PDE4D: variants seen among roughly 807,000 people sequenced by gnomAD.
PDE4D encodes the protein 3',5'-cyclic-AMP phosphodiesterase 4D.
A neutral mutation model predicts 87.4 loss-of-function variants in PDE4D; 24 were observed. The ratio of observed to expected loss-of-function variants is 0.27; its 90% CI spans 0.20 to 0.39. The LOEUF is 0.39. Ranked by LOEUF, PDE4D falls within the 10% of genes least tolerant of loss-of-function variation. The pLI, the probability that PDE4D is intolerant of heterozygous loss-of-function variation, is 1.00. For missense variants in PDE4D, 714 were observed against 1,041.0 expected, an observed-to-expected ratio of 0.69 and a Z score of 4.32; for synonymous variants, 384 against 383.2, an observed-to-expected ratio of 1.00 and a Z score of -0.02.
chr5:59,761,141 T>C (rs991837525), intron 1 of PDE4D, among the ~76,000 whole-genome samples: 2 of 152,210 alleles, frequency 1.3e-5, no homozygotes, highest in Admixed American at 1.3e-4. Flanking sequence ...GGTTAAGTAT[T>C]TGTATATCTA....
At chr5:60,023,441 A>G (rs1766288529) in intron 2 of PDE4D, among the ~76,000 whole-genome samples, 1 of 152,012 alleles carries the variant, frequency 6.6e-6, no homozygotes, top group South Asian at 2.1e-4. Context: ...TCCCCCCACC[A>G]ATAATTTCCT....
chr5:59,039,578 C>G, intron 5 of PDE4D: 1 of 923,332 alleles, frequency 1.1e-6, no homozygotes, highest in South Asian at 5.0e-5. Flanking sequence ...CCGCAGCTTT[C>G]CGGGAACACT....
chr5:59,438,112 G>T (rs1424207487), intron 1 of PDE4D, among the ~76,000 whole-genome samples: 5 of 152,082 alleles, frequency 3.3e-5, no homozygotes, highest in Non-Finnish European at 7.4e-5. Context: ...CACAACACAT[G>T]GGGATTGTTG....
intron 1 of PDE4D, among the ~76,000 whole-genome samples, chr5:59,495,787 T>A (rs1807076804): frequency 6.6e-6 from 1 of 152,096 alleles, no homozygotes. Context: ...AGTGGCTCGC[T>A]TCTTCAGTGC....
intron 1 of PDE4D, among the ~76,000 whole-genome samples, chr5:60,301,787 C>T (rs1046962911): frequency 6.6e-6 from 1 of 151,748 alleles, no homozygotes; most frequent in Non-Finnish European, 1.5e-5. Context: ...TGTGCCTATT[C>T]AGTATGATAT....
At chr5:60,326,507 C>T (rs1198926073) in intron 1 of PDE4D, among the ~76,000 whole-genome samples, 2 of 152,080 alleles carry the variant, frequency 1.3e-5, no homozygotes, top group African/African-American at 4.8e-5. Flanking sequence ...AATTCAGAAA[C>T]TTTCACTCTT....
rs373283517 is a variant in PDE4D, at chr5:59,167,185, C to T, written c.808+13410G>A. On this transcript the variant is annotated intron_variant, in intron 5 of 14. Coordinates refer to ENST00000340635, the MANE Select transcript of PDE4D (RefSeq NM_001104631.2). ...TCGGCGTGACTTTTCTAAGGTCACA[C>T]GTAAAGTGGGTGAGCAGGACAGCCA... Among the ~76,000 whole-genome samples, 5 of 152,104 alleles carry T rather than the reference C, an allele frequency of 3.3e-5. No individual in the cohort carries two copies. The East Asian group carries it at 5.8e-4, about 18-fold the overall frequency.
At chr5:60,106,117 CACGTGCAGAG>C (rs988431199) in intron 2 of PDE4D, among the ~76,000 whole-genome samples, 28 of 152,068 alleles carry the variant, frequency 1.8e-4, no homozygotes, top group Admixed American at 3.3e-4. Flanking sequence ...AAACCCATCT[CACGTGCAGAG>C]ACACACATAG....
chr5:59,496,137 C>T (rs1434216703), intron 1 of PDE4D, among the ~76,000 whole-genome samples: 1 of 152,128 alleles, frequency 6.6e-6, no homozygotes, highest in Non-Finnish European at 1.5e-5. Context: ...CCCTGGAGTC[C>T]AGCCGCTCAG....
intron 1 of PDE4D, among the ~76,000 whole-genome samples, chr5:59,887,207 A>T (rs1437639948): frequency 6.6e-6 from 1 of 152,212 alleles, no homozygotes; most frequent in African/African-American, 2.4e-5. Flanking sequence ...CATTTAGATG[A>T]CAAAGCAAAT....
Position 59,476,184 on chromosome 5 carries a change from C to T in PDE4D, c.456-260216G>A, listed in dbSNP as rs183537317. 4.1e-3 allele frequency among the ~76,000 whole-genome samples: 621 copies of T among 152,018 alleles called. 1 individual carries two copies. Among genetic ancestry groups the T allele is most frequent in the Non-Finnish European group, 7.2e-3 (490 of 67,932 alleles). On this transcript the variant is annotated intron_variant, in intron 1 of 14. Transcript: ENST00000340635. ...TACAGTGAAATTGCTTATGGAAAAG[C>T]AGCACTCTCACCAAGAACACAAAAT...
At position 59,292,797 on chromosome 5, in the gene PDE4D, T is replaced by C. The variant is rs1227397760; in HGVS notation, c.456-76829A>G. ...TGAGACGCTCATAGGCTGTAGCCCC[T>C]GAGGAATGTAGTGCCTGGTATGGAC... On this transcript the variant is annotated intron_variant, in intron 1 of 14. Transcript: ENST00000340635. Among the ~76,000 whole-genome samples, 4 of 152,104 alleles carry C rather than the reference T, an allele frequency of 2.6e-5. No homozygotes were observed. In the East Asian group the frequency reaches 7.7e-4, roughly 29 times the overall value.
At chr5:59,403,798 T>C (rs915244575) in intron 1 of PDE4D, among the ~76,000 whole-genome samples, 1 of 152,178 alleles carries the variant, frequency 6.6e-6, no homozygotes, top group Admixed American at 6.5e-5. Context: ...ATTTCCTTTC[T>C]TTTGGGTGTA....
chr5:59,379,674 T>C (rs1785394746), intron 1 of PDE4D, among the ~76,000 whole-genome samples: 2 of 152,118 alleles, frequency 1.3e-5, no homozygotes, highest in Admixed American at 6.6e-5. Flanking sequence ...ATTTAAACAT[T>C]AGTTCATGTG....
At chr5:59,065,288 G>A (rs536069956) in intron 5 of PDE4D, among the ~76,000 whole-genome samples, 1 of 152,088 alleles carries the variant, frequency 6.6e-6, no homozygotes, top group African/African-American at 2.4e-5. Flanking sequence ...TAGTCAAACT[G>A]ATGGAAGCAG....
chr5:59,896,509 A>G (rs532337296), upstream of PDE4D, among the ~76,000 whole-genome samples: 5 of 152,286 alleles, frequency 3.3e-5, no homozygotes, highest in South Asian at 1.0e-3. Context: ...ACTTTTACCA[A>G]ATTTGTGAGA....
chr5:60,441,985 G>A (rs1745260899), intron 1 of PDE4D, among the ~76,000 whole-genome samples: 1 of 152,142 alleles, frequency 6.6e-6, no homozygotes, highest in Non-Finnish European at 1.5e-5. Context: ...CTTTTACACT[G>A]TTGGTGGGAG....
At chr5:60,438,102 C>T (rs1403899272) in intron 1 of PDE4D, among the ~76,000 whole-genome samples, 1 of 152,092 alleles carries the variant, frequency 6.6e-6, no homozygotes, top group Admixed American at 6.6e-5. Flanking sequence ...CTTTAGATAG[C>T]ATTCGTCTGT....
intron 11 of PDE4D, among the ~76,000 whole-genome samples, chr5:58,980,685 T>G (rs1422657430): frequency 8.7e-5 from 13 of 148,988 alleles, no homozygotes; most frequent in South Asian, 4.2e-4. Context: ...GCTAATGAAA[T>G]GGGGGGAAGG....
Sources: allele counts gnomAD v4.1 joint callset (sites outside exome capture counted in the v4.1 genomes callset), GRCh38; gene constraint gnomAD v4.1.1; transcripts MANE v1.5; gene names NCBI Gene and HGNC (gene_info 2026-07-23, HGNC 2026-07-21).